Variants in GNAQ observed in about 807,000 individuals in gnomAD.
The protein encoded by GNAQ is guanine nucleotide-binding protein G(q) subunit alpha.
A neutral mutation model predicts 43.9 loss-of-function variants in GNAQ; 8 were observed. The ratio of observed to expected loss-of-function variants is 0.18; its 90% CI spans 0.11 to 0.33. The LOEUF is 0.33. GNAQ is among the 10% of genes least tolerant of loss of function. GNAQ has a pLI of 1.00. For synonymous variants in GNAQ, 155 were observed against 170.7 expected, an observed-to-expected ratio of 0.91 and a Z score of 0.71; for missense variants, 158 against 450.8, an observed-to-expected ratio of 0.35 and a Z score of 5.88.
chr9:77,768,345 T>TA (rs1826166926), intron 5 of GNAQ, among the ~76,000 whole-genome samples: 1 of 152,196 alleles, frequency 6.6e-6, no homozygotes, highest in South Asian at 2.1e-4. Flanking sequence ...AACTAGATGA[T>TA]TTATTAAGAC....
At chr9:77,863,683 TAA>T (rs34359030) in intron 2 of GNAQ, among the ~76,000 whole-genome samples, 6 of 151,570 alleles carry the variant, frequency 4.0e-5, no homozygotes, top group Admixed American at 6.6e-5. Context: ...TGGCCATTTA[TAA>T]AAAAAAAGAG....
chr9:77,893,099 C>T (rs914635151), intron 2 of GNAQ, among the ~76,000 whole-genome samples: 13 of 152,238 alleles, frequency 8.5e-5, no homozygotes, highest in Admixed American at 2.6e-4. Flanking sequence ...CAAACCAGAG[C>T]GACTCCATCT....
At chr9:77,734,412 T>C (rs1257603910) in intron 5 of GNAQ, among the ~76,000 whole-genome samples, 1 of 152,136 alleles carries the variant, frequency 6.6e-6, no homozygotes, top group Non-Finnish European at 1.5e-5. Context: ...GAATTACATT[T>C]CCCATAAAGT....
chr9:77,761,477 C>T (rs531450599), intron 5 of GNAQ, among the ~76,000 whole-genome samples: 118 of 136,518 alleles, frequency 8.6e-4, no homozygotes, highest in Non-Finnish European at 1.3e-3. Flanking sequence ...CCTGGCCAGT[C>T]GCCCAGTCCG....
At chr9:77,750,718 CT>C (rs1208667284) in intron 5 of GNAQ, among the ~76,000 whole-genome samples, 2 of 152,080 alleles carry the variant, frequency 1.3e-5, no homozygotes, top group Non-Finnish European at 2.9e-5. Flanking sequence ...AGAACACTTG[CT>C]ATATTAACCT....
At chr9:77,986,552 C>CT (rs151056610) in intron 1 of GNAQ, among the ~76,000 whole-genome samples, 102 of 152,254 alleles carry the variant, frequency 6.7e-4, no homozygotes, top group Middle Eastern at 3.4e-3. Flanking sequence ...GTCGCCCAGG[C>CT]TAGAGTGCAG....
At chr9:77,974,048 A>C (rs1243757098) in intron 1 of GNAQ, among the ~76,000 whole-genome samples, 1 of 152,202 alleles carries the variant, frequency 6.6e-6, no homozygotes. Flanking sequence ...AATTTTTAAT[A>C]ATCTTTAAAA....
chr9:78,002,858 T>C (rs964660533), intron 1 of GNAQ, among the ~76,000 whole-genome samples: 1 of 152,194 alleles, frequency 6.6e-6, no homozygotes, highest in African/African-American at 2.4e-5. Flanking sequence ...CCTAAATGAC[T>C]AATTCTTTGA....
intron 5 of GNAQ, among the ~76,000 whole-genome samples, chr9:77,740,624 ATAT>A (rs1368568812): frequency 6.6e-6 from 1 of 152,196 alleles, no homozygotes; most frequent in Non-Finnish European, 1.5e-5. Context: ...AGGCCATGTT[ATAT>A]TATTTTTAAA....
In GNAQ at chr9:77,924,314, T is replaced by G. The variant is rs973607025; in HGVS notation, c.137-1969A>C. Among the ~76,000 whole-genome samples, 9 of 152,280 alleles carry G rather than the reference T, an allele frequency of 5.9e-5. No individual in the cohort carries two copies. The South Asian group carries it at 8.3e-4, about 14-fold the overall frequency. ...TTTCTCATTATCAACCAACGATTTA[T>G]AGAAACTAGTATTTTTACTCTCCCA... On this transcript the variant is annotated intron_variant, in intron 1 of 6. Coordinates refer to ENST00000286548, the MANE Select transcript of GNAQ (RefSeq NM_002072.5).
intron 3 of GNAQ, among the ~76,000 whole-genome samples, chr9:77,802,680 G>A (rs1826765395): frequency 1.3e-5 from 2 of 152,070 alleles, no homozygotes; most frequent in African/African-American, 2.4e-5. Context: ...GTGTTGCCAT[G>A]GTGCCAGGCA....
intron 1 of GNAQ, among the ~76,000 whole-genome samples, chr9:77,949,828 A>G (rs1476895253): frequency 3.3e-5 from 5 of 152,298 alleles, no homozygotes; most frequent in Admixed American, 3.3e-4. Flanking sequence ...TAACTCAATG[A>G]AAGCTCCACC....
At chr9:77,936,085 T>C (rs896273598) in intron 1 of GNAQ, among the ~76,000 whole-genome samples, 5 of 152,152 alleles carry the variant, frequency 3.3e-5, no homozygotes, top group African/African-American at 9.7e-5. Flanking sequence ...AGAAAGTACA[T>C]CGGTGCATTT....
intron 1 of GNAQ, among the ~76,000 whole-genome samples, chr9:77,929,099 AAT>A (rs1426470222): frequency 6.6e-6 from 1 of 152,224 alleles, no homozygotes; most frequent in Non-Finnish European, 1.5e-5. Context: ...GCATCAGTAT[AAT>A]TTGGAGAACA....
At chr9:77,891,389 G>C (rs1487837467) in intron 2 of GNAQ, among the ~76,000 whole-genome samples, 1 of 151,940 alleles carries the variant, frequency 6.6e-6, no homozygotes, top group Non-Finnish European at 1.5e-5. Flanking sequence ...TTGTTTTTTG[G>C]GGAGGGGAGG....
At chr9:77,875,972 A>G (rs1466659562) in intron 2 of GNAQ, among the ~76,000 whole-genome samples, 1 of 152,202 alleles carries the variant, frequency 6.6e-6, no homozygotes, top group African/African-American at 2.4e-5. Context: ...CCAGTTGCCC[A>G]CATACCACCT....
chr9:77,922,088 C>T (rs879830293), intron 2 of GNAQ, 73 bp downstream of exon 2: 8 of 983,010 alleles, frequency 8.1e-6, no homozygotes, highest in Non-Finnish European at 1.3e-5. Flanking sequence ...TGTCAAGAGG[C>T]TACTCGTGTT....
intron 3 of GNAQ, 41 bp from the exon 4 acceptor site, chr9:77,797,689 T>A: frequency 6.2e-7 from 1 of 1,601,076 alleles, no homozygotes; most frequent in Non-Finnish European, 8.5e-7. Context: ...AGTGACACCA[T>A]CACACCAAAG....
chr9:77,812,739 G>T (rs1308330166), intron 3 of GNAQ, among the ~76,000 whole-genome samples: 1 of 151,874 alleles, frequency 6.6e-6, no homozygotes, highest in East Asian at 1.9e-4. Context: ...TATTTAGGTA[G>T]GAAAATGTCC....
Sources: gnomAD v4.1 joint callset for allele counts (sites outside exome capture counted in the v4.1 genomes callset) on GRCh38, gnomAD v4.1.1 for gene constraint, MANE v1.5 for transcripts, NCBI Gene and HGNC (gene_info 2026-07-23, HGNC 2026-07-21) for gene names.